The following MACROD2 variants were observed in gnomAD, a reference collection of about 807,000 sequenced individuals.
MACROD2 encodes the protein ADP-ribose glycohydrolase MACROD2.
In MACROD2, 36 loss-of-function variants were observed where a neutral mutation model predicts 70.4. That is an observed-to-expected ratio of 0.51 (90% CI 0.39 to 0.68). The LOEUF (loss-of-function observed/expected upper bound fraction) is 0.68. Ranked by LOEUF, MACROD2 falls within the 30% of genes least tolerant of loss-of-function variation. MACROD2 has a pLI of 0.00. For synonymous variants in MACROD2, 172 were observed against 178.8 expected (o/e 0.96, Z 0.30); for missense variants, 496 against 538.4 (o/e 0.92, Z 0.78).
At chr20:14,068,787 G>A (rs1601183387) in intron 2 of MACROD2, among the ~76,000 whole-genome samples, 1 of 152,144 alleles carries the variant, frequency 6.6e-6, no homozygotes, top group South Asian at 2.1e-4. Flanking sequence ...GATAAGATTG[G>A]AACTATCCAG....
chr20:15,382,166 G>C (rs2045653323), intron 6 of MACROD2, among the ~76,000 whole-genome samples: 1 of 152,080 alleles, frequency 6.6e-6, no homozygotes, highest in Non-Finnish European at 1.5e-5. Flanking sequence ...AGGAGGAGAA[G>C]TATAAATTGA....
At chr20:14,088,197 C>T (rs1378254138) in intron 3 of MACROD2, among the ~76,000 whole-genome samples, 8 of 151,702 alleles carry the variant, frequency 5.3e-5, no homozygotes, top group Admixed American at 1.3e-4. Flanking sequence ...GGCGTGGTGG[C>T]GTGTGCCTGT....
chr20:15,680,342 T>C (rs2050144023), intron 8 of MACROD2, among the ~76,000 whole-genome samples: 1 of 152,144 alleles, frequency 6.6e-6, no homozygotes, highest in Admixed American at 6.5e-5. Context: ...CATTCTTACC[T>C]TGGTGACAGT....
chr20:15,759,157 A>AAAAC, intron 8 of MACROD2, among the ~76,000 whole-genome samples: 1 of 150,280 alleles, frequency 6.7e-6, no homozygotes, highest in Non-Finnish European at 1.5e-5. Flanking sequence ...AAAAAAAAAA[A>AAAAC]AAAAAAAAAC....
chr20:14,170,459 C>T (rs1356080609), intron 3 of MACROD2, among the ~76,000 whole-genome samples: 1 of 152,022 alleles, frequency 6.6e-6, no homozygotes, highest in Non-Finnish European at 1.5e-5. Context: ...TTTCCCCATT[C>T]AGTATAATGT....
At chr20:14,390,041 C>A (rs1267925362) in intron 3 of MACROD2, among the ~76,000 whole-genome samples, 1 of 152,146 alleles carries the variant, frequency 6.6e-6, no homozygotes, top group Non-Finnish European at 1.5e-5. Context: ...TAAAAAACTT[C>A]AACAAAGTCT....
At chr20:14,808,832 A>T (rs1296732668) in intron 5 of MACROD2, among the ~76,000 whole-genome samples, 1 of 152,122 alleles carries the variant, frequency 6.6e-6, no homozygotes, top group Non-Finnish European at 1.5e-5. Flanking sequence ...AGATCAAAAA[A>T]GACAAAGAAG....
chr20:15,830,155 A>G (rs16996640), intron 8 of MACROD2, among the ~76,000 whole-genome samples: 4,475 of 152,286 alleles, frequency 0.029, 195 homozygotes, highest in South Asian at 0.15. Flanking sequence ...AGTGGACAAC[A>G]TAGGTGGAGA....
chr20:15,529,760 G>A (rs967142809), intron 8 of MACROD2, among the ~76,000 whole-genome samples: 1 of 151,368 alleles, frequency 6.6e-6, no homozygotes, highest in Non-Finnish European at 1.5e-5. Flanking sequence ...ACTGATATCC[G>A]CCCCCCCCAC....
In MACROD2 at chr20:14,549,014, C is replaced by T. The variant is rs534913247; in HGVS notation, c.301+55506C>T. 4.6e-5 allele frequency among the ~76,000 whole-genome samples: 7 copies of T among 152,264 alleles called. No individual in the cohort carries two copies. The South Asian group carries it at 1.2e-3, about 27-fold the overall frequency. On this transcript the variant is annotated intron_variant, in intron 4 of 17. Coordinates refer to ENST00000684519, the MANE Select transcript of MACROD2 (RefSeq NM_001351661.2). The stretch of plus-strand genomic sequence containing the variant: ...TGGTGCTCCATGATTACAGGCAAAG[C>T]AAGCCCACTCTAGTGGCCAGAGAGA...
At chr20:14,216,363 A>G (rs1296725483) in intron 3 of MACROD2, among the ~76,000 whole-genome samples, 1 of 152,088 alleles carries the variant, frequency 6.6e-6, no homozygotes, top group Non-Finnish European at 1.5e-5. Context: ...TCATTGGTCT[A>G]TGTGCCTGCA....
intron 5 of MACROD2, among the ~76,000 whole-genome samples, chr20:15,134,836 AAGAG>A (rs2076134305): frequency 2.6e-5 from 4 of 152,270 alleles, no homozygotes; most frequent in East Asian, 1.9e-4. Flanking sequence ...CTAATAAAAA[AAGAG>A]AGAAGAATCA....
chr20:15,216,692 G>A (rs1157288266), intron 5 of MACROD2, among the ~76,000 whole-genome samples: 3 of 152,052 alleles, frequency 2.0e-5, no homozygotes, highest in East Asian at 3.9e-4. Context: ...CTGTGACAGC[G>A]ACAAACTTTC....
In MACROD2 at chr20:15,461,006, A is replaced by ATATATATATATATATATATATTTT; in HGVS notation, c.571+29572_571+29573insATATATATATATATATATATTTTT. Among the ~76,000 whole-genome samples the ATATATATATATATATATATATTTT allele has an allele frequency of 1.0e-3, 68 of 66,924 alleles. 1 individual carries two copies. Among genetic ancestry groups the ATATATATATATATATATATATTTT allele is most frequent in the Non-Finnish European group, 1.7e-3 (53 of 30,394 alleles). 43.9% of individuals were successfully genotyped at this position (66,924 alleles called of 152,430 possible). A position where few individuals can be genotyped will look rare whatever the true frequency, so the allele number is the denominator to read the frequency against. On this transcript the variant is annotated intron_variant, in intron 7 of 17. Coordinates refer to ENST00000684519, the MANE Select transcript of MACROD2 (RefSeq NM_001351661.2). ...TATATATATATATATATATATATAT[A>ATATATATATATATATATATATTTT]TTTTTTTTTAATAGATGGGGTCTTG...
chr20:14,814,173 C>T (rs2072747290), intron 5 of MACROD2, among the ~76,000 whole-genome samples: 1 of 152,028 alleles, frequency 6.6e-6, no homozygotes, highest in Admixed American at 6.6e-5. Flanking sequence ...AAGATGAGCC[C>T]GGACAGAGTG....
At chr20:16,048,996 A>G (rs1393384035) in intron 17 of MACROD2, among the ~76,000 whole-genome samples, 3 of 152,246 alleles carry the variant, frequency 2.0e-5, no homozygotes, top group Non-Finnish European at 4.4e-5. Flanking sequence ...ATTACTGTTA[A>G]CAAAGCAGCA....
At chr20:15,927,999 G>A (rs747246603) in intron 10 of MACROD2, among the ~76,000 whole-genome samples, 37 of 152,180 alleles carry the variant, frequency 2.4e-4, no homozygotes, top group Admixed American at 4.6e-4. Flanking sequence ...ACAACTGAAT[G>A]CTGTATGATC....
At chr20:14,308,761 A>C (rs1337446770) in intron 3 of MACROD2, among the ~76,000 whole-genome samples, 1 of 152,134 alleles carries the variant, frequency 6.6e-6, no homozygotes, top group Non-Finnish European at 1.5e-5. Flanking sequence ...CATCACTGGG[A>C]ATAGCAGTGC....
At chr20:15,249,775 G>C (rs1055618454) in intron 6 of MACROD2, among the ~76,000 whole-genome samples, 1 of 152,288 alleles carries the variant, frequency 6.6e-6, no homozygotes, top group Non-Finnish European at 1.5e-5. Context: ...TATGCAGAAT[G>C]ACAATCCATG....
Sources: gnomAD v4.1 joint callset for allele counts (sites outside exome capture counted in the v4.1 genomes callset) on GRCh38, gnomAD v4.1.1 for gene constraint, MANE v1.5 for transcripts, NCBI Gene and HGNC (gene_info 2026-07-23, HGNC 2026-07-21) for gene names.